DGKB: variants seen among roughly 807,000 people sequenced by gnomAD.
The protein encoded by DGKB is 90 kDa diacylglycerol kinase.
In DGKB, 67 loss-of-function variants were observed where a neutral mutation model predicts 114.3. The ratio of observed to expected loss-of-function variants is 0.59; its 90% confidence interval spans 0.48 to 0.72. DGKB has a LOEUF of 0.72. Among genes scored for constraint, DGKB ranks in the 30% least tolerant of loss-of-function variants. The probability of loss-of-function intolerance (pLI) is 0.00; values close to 1 mark genes in which losing one functional copy is unlikely to be tolerated. For synonymous variants in DGKB, 398 were observed against 323.1 expected (o/e 1.23, Z -2.49); for missense variants, 907 against 975.2 (o/e 0.93, Z 0.93).
At chr7:14,648,265 G>A (rs927622781) in intron 13 of DGKB, among the ~76,000 whole-genome samples, 12 of 152,184 alleles carry the variant, frequency 7.9e-5, no homozygotes, top group African/African-American at 2.9e-4. Flanking sequence ...TTTGAAGAGA[G>A]CAGTAGTTCT....
intron 23 of DGKB, among the ~76,000 whole-genome samples, chr7:14,251,640 T>C (rs1163985703): frequency 1.3e-5 from 2 of 152,164 alleles, no homozygotes; most frequent in African/African-American, 4.8e-5. Flanking sequence ...TAGCCTTCTT[T>C]TGTTTCAACT....
rs143679547 is a variant in DGKB at position 14,262,136 on chromosome 7, G to A, written c.2122+76379C>T. Among the ~76,000 whole-genome samples, 18 of 152,238 alleles carry A rather than the reference G, an allele frequency of 1.2e-4. No individual in the cohort carries two copies. In the East Asian group the frequency reaches 2.1e-3, roughly 18 times the overall value. On this transcript the variant is annotated intron_variant, in intron 23 of 25. Transcript: ENST00000402815. ...ATATAGGAGCTTCCAAGATAATGACGTATCAGTTGAATTTGCAGCCTAAAA... is the reference window on the plus strand; with the variant it reads ...ATATAGGAGCTTCCAAGATAATGACATATCAGTTGAATTTGCAGCCTAAAA...
At chr7:14,953,744 A>G (rs562745353) in intron 1 of DGKB, among the ~76,000 whole-genome samples, 83 of 152,270 alleles carry the variant, frequency 5.5e-4, no homozygotes, top group Non-Finnish European at 9.4e-4. Flanking sequence ...ACTTGTGCAC[A>G]AATGTTCATA....
At chr7:14,660,327 C>A (rs1487759725) in intron 13 of DGKB, among the ~76,000 whole-genome samples, 1 of 151,674 alleles carries the variant, frequency 6.6e-6, no homozygotes, top group Non-Finnish European at 1.5e-5. Flanking sequence ...CCTCCTTGTA[C>A]CTCTGGTAGA....
intron 2 of DGKB, among the ~76,000 whole-genome samples, chr7:14,802,837 T>C (rs1842345906): frequency 6.6e-6 from 1 of 152,166 alleles, no homozygotes; most frequent in African/African-American, 2.4e-5. Context: ...CCTTGCTAAT[T>C]TTTTATACGT....
At chr7:14,250,555 G>C (rs986330721) in intron 23 of DGKB, among the ~76,000 whole-genome samples, 5 of 152,064 alleles carry the variant, frequency 3.3e-5, no homozygotes, top group African/African-American at 1.2e-4. Flanking sequence ...GTTAAAATGT[G>C]TGAACTAACA....
Position 14,231,115 on chromosome 7 carries a change from C to CTT in DGKB, c.2123-52966_2123-52965dup, listed in dbSNP as rs1562684663. Reference sequence around the variant, plus strand: ...TCTTTCTTTCTTTCTTTCTTTCTTTCTTTCTTTCTTTCTTTCTTTCTTTCT... The same window carrying CTT: ...TCTTTCTTTCTTTCTTTCTTTCTTTCTTTTTCTTTCTTTCTTTCTTTCTTTCT... On this transcript the variant is annotated intron_variant, in intron 23 of 25. Coordinates refer to ENST00000402815, the MANE Select transcript of DGKB (RefSeq NM_001350709.2). 7.8e-5 allele frequency among the ~76,000 whole-genome samples: 10 copies of CTT among 128,696 alleles called. 1 individual carries two copies. The South Asian group carries it at 2.6e-3, about 33-fold the overall frequency. The allele number at this position is 128,696 out of a possible 152,430, so 84.4% of individuals were successfully genotyped here. A position where few individuals can be genotyped will look rare whatever the true frequency, so the allele number is the denominator to read the frequency against.
chr7:14,506,033 ACT>A (rs1786996917), intron 20 of DGKB, among the ~76,000 whole-genome samples: 1 of 152,150 alleles, frequency 6.6e-6, no homozygotes, highest in Non-Finnish European at 1.5e-5. Context: ...TTAAATGTAT[ACT>A]CTCTAGCTCA....
intron 23 of DGKB, among the ~76,000 whole-genome samples, chr7:14,188,923 T>G (rs1178794653): frequency 6.6e-6 from 1 of 152,092 alleles, no homozygotes; most frequent in Non-Finnish European, 1.5e-5. Context: ...TTGAGAATAT[T>G]ATATAAAGCA....
intron 17 of DGKB, among the ~76,000 whole-genome samples, chr7:14,597,042 A>C (rs907016279): frequency 6.6e-6 from 1 of 152,188 alleles, no homozygotes; most frequent in Non-Finnish European, 1.5e-5. Context: ...TTCTGGGCAC[A>C]CATCTTACTA....
chr7:14,313,395 G>A (rs1805765127), intron 23 of DGKB, among the ~76,000 whole-genome samples: 1 of 152,024 alleles, frequency 6.6e-6, no homozygotes, highest in Non-Finnish European at 1.5e-5. Flanking sequence ...CCAGACAGTG[G>A]GCGCAGGTCA....
chr7:14,901,543 A>G (rs1348637478), intron 1 of DGKB, among the ~76,000 whole-genome samples: 3 of 151,992 alleles, frequency 2.0e-5, no homozygotes, highest in Non-Finnish European at 2.9e-5. Flanking sequence ...GTTTTCTCCA[A>G]TGATCCTCCA....
chr7:14,875,882 G>A (rs565133347), intron 1 of DGKB, among the ~76,000 whole-genome samples: 20 of 152,146 alleles, frequency 1.3e-4, no homozygotes, highest in Middle Eastern at 3.4e-3. Flanking sequence ...TTTATGTGTG[G>A]CCCAAGACAA....
intron 3 of DGKB, among the ~76,000 whole-genome samples, chr7:14,757,203 C>A (rs1040763285): frequency 1.3e-5 from 2 of 151,994 alleles, no homozygotes; most frequent in Admixed American, 6.6e-5. Context: ...TAACTCCCTA[C>A]CCCTACACCA....
At chr7:14,689,849 G>A (rs1448443009) in intron 9 of DGKB, among the ~76,000 whole-genome samples, 1 of 152,072 alleles carries the variant, frequency 6.6e-6, no homozygotes, top group East Asian at 1.9e-4. Context: ...CATCACTCAG[G>A]AATTTCATCA....
At chr7:14,867,772 C>T (rs147445309) in intron 1 of DGKB, among the ~76,000 whole-genome samples, 1 of 152,180 alleles carries the variant, frequency 6.6e-6, no homozygotes, top group Non-Finnish European at 1.5e-5. Flanking sequence ...ACTAGCCGAG[C>T]AGCGAAAATA....
At chr7:14,360,450 A>G (rs1815502724) in intron 21 of DGKB, among the ~76,000 whole-genome samples, 1 of 146,440 alleles carries the variant, frequency 6.8e-6, no homozygotes, top group Admixed American at 6.8e-5. Flanking sequence ...AACTTAAAGT[A>G]TATATATATA....
intron 1 of DGKB, among the ~76,000 whole-genome samples, chr7:14,846,042 A>C (rs34561304): frequency 0.41 from 61,718 of 152,038 alleles, 13,185 homozygotes; most frequent in South Asian, 0.62. Flanking sequence ...TCAATATCTA[A>C]CAAAAACACC....
intron 23 of DGKB, among the ~76,000 whole-genome samples, chr7:14,331,327 C>T (rs1208080391): frequency 1.3e-5 from 2 of 151,934 alleles, no homozygotes; most frequent in African/African-American, 4.8e-5. Context: ...GCATGAAATC[C>T]TTTTCTTGTT....
Sources: allele counts gnomAD v4.1 joint callset (sites outside exome capture counted in the v4.1 genomes callset), GRCh38; gene constraint gnomAD v4.1.1; transcripts MANE v1.5; gene names NCBI Gene and HGNC (gene_info 2026-07-23, HGNC 2026-07-21).